Variants in TLK1 observed in about 807,000 individuals in gnomAD.
TLK1 encodes the protein tousled like kinase 1.
Under a neutral mutation model 105.3 loss-of-function variants are expected in TLK1, and 24 were observed. The ratio of observed to expected loss-of-function variants is 0.23; its 90% CI spans 0.17 to 0.32. The LOEUF is 0.32. Among genes scored for constraint, TLK1 ranks in the 10% least tolerant of loss-of-function variants. TLK1 has a pLI of 1.00. For missense variants in TLK1, 558 were observed against 910.5 expected, an observed-to-expected ratio of 0.61 and a Z score of 4.98; for synonymous variants, 321 against 310.4, an observed-to-expected ratio of 1.03 and a Z score of -0.36.
intron 1 of TLK1, among the ~76,000 whole-genome samples, chr2:171,168,474 G>C (rs1394973951): frequency 6.6e-6 from 1 of 152,202 alleles, no homozygotes; most frequent in Non-Finnish European, 1.5e-5. Context: ...TCCAGGTGCT[G>C]ATTAGAAGTG....
At chr2:171,135,022 A>G (rs1376018962) in intron 1 of TLK1, among the ~76,000 whole-genome samples, 1 of 152,156 alleles carries the variant, frequency 6.6e-6, no homozygotes, top group Non-Finnish European at 1.5e-5. Flanking sequence ...TTACATGTGG[A>G]ATCTAAAAAA....
In TLK1 at chr2:170,997,841, G is replaced by A; in HGVS notation, c.1905-18C>T. ...GTAAATACCTGTAAGTTTTGTGGGA[G>A]AGAAAAAAGGTTACTACTGACAATC... On this transcript the variant is annotated intron_variant, in intron 18 of 20. Transcript: ENST00000431350. 1.4e-6 allele frequency: 2 copies of A among 1,477,368 alleles called. No individual in the cohort carries two copies. The highest frequency in any genetic ancestry group is 1.9e-5 in the Admixed American group (1 of 52,904). 91.5% of individuals were successfully genotyped at this position (1,477,368 alleles called of 1,614,324 possible).
intron 8 of TLK1, among the ~76,000 whole-genome samples, chr2:171,051,728 AC>A (rs1437846153): frequency 1.3e-5 from 2 of 152,210 alleles, no homozygotes; most frequent in African/African-American, 4.8e-5. Flanking sequence ...TGTTTTATCA[AC>A]AATGATAAAA....
At chr2:171,089,394 T>C (rs908981049) in intron 2 of TLK1, among the ~76,000 whole-genome samples, 5 of 152,350 alleles carry the variant, frequency 3.3e-5, no homozygotes, top group Non-Finnish European at 7.3e-5. Flanking sequence ...TAAAGTTTTA[T>C]TGCTTTACCT....
At chr2:171,027,308 A>T (rs1367532044) in intron 12 of TLK1, among the ~76,000 whole-genome samples, 1 of 152,082 alleles carries the variant, frequency 6.6e-6, no homozygotes, top group African/African-American at 2.4e-5. Flanking sequence ...AGCACAAAAA[A>T]TTGGGTCAAA....
At chr2:171,082,890 AT>A (rs1187121209) in intron 2 of TLK1, 38 bp from the exon 3 acceptor site, 9 of 1,434,278 alleles carry the variant, frequency 6.3e-6, no homozygotes, top group Admixed American at 3.8e-5. Context: ...ATTAGGAGTA[AT>A]TTTTTTAAAG....
At chr2:171,213,024 T>C (rs1693648957) in intron 1 of TLK1, among the ~76,000 whole-genome samples, 1 of 152,102 alleles carries the variant, frequency 6.6e-6, no homozygotes, top group African/African-American at 2.4e-5. Context: ...AGAGTAGACA[T>C]TACTTTGTAA....
At chr2:171,031,334 T>C (rs1259093138) in intron 11 of TLK1, among the ~76,000 whole-genome samples, 1 of 152,220 alleles carries the variant, frequency 6.6e-6, no homozygotes, top group African/African-American at 2.4e-5. Context: ...GGAACAATCT[T>C]CTTTAAAGAA....
rs1368745606 is a variant in TLK1, at chr2:171,197,274, T to A, written c.-6+33871A>T. On this transcript the variant is annotated intron_variant, in intron 1 of 20. Transcript: ENST00000521943. Reference sequence around the variant, plus strand: ...CAGATAATCTCTGAATATGAAAAGATTTCTTATTTAAAAATGAGAGAGAAA... The same window carrying A: ...CAGATAATCTCTGAATATGAAAAGAATTCTTATTTAAAAATGAGAGAGAAA... Among the ~76,000 whole-genome samples the A allele has an allele frequency of 2.6e-5, 4 of 152,158 alleles. No individual in the cohort carries two copies. The South Asian group carries it at 6.2e-4, about 24-fold the overall frequency.
intron 1 of TLK1, among the ~76,000 whole-genome samples, chr2:171,137,576 C>A (rs1294606760): frequency 6.6e-6 from 1 of 152,070 alleles, no homozygotes; most frequent in South Asian, 2.1e-4. Flanking sequence ...CAGCCAGGCG[C>A]AGTGGCTCAC....
chr2:170,993,529 G>T lies in TLK1; in HGVS notation c.*251C>A. ...CTTAACATGGTATTCCTGTTTCTGT[G>T]TAACAGGCAGTCATCCTTCCTTCAC... On this transcript the variant is annotated 3_prime_UTR_variant, in exon 21 of 21. Transcript: ENST00000431350. 1 of 344,898 alleles carries T rather than the reference G, an allele frequency of 2.9e-6. No individual in the cohort carries two copies. 21.4% of individuals were successfully genotyped at this position (344,898 alleles called of 1,614,324 possible). A position where few individuals can be genotyped will look rare whatever the true frequency, so the allele number is the denominator to read the frequency against.
At chr2:171,171,781 G>T (rs1393263016) in intron 1 of TLK1, among the ~76,000 whole-genome samples, 1 of 152,140 alleles carries the variant, frequency 6.6e-6, no homozygotes, top group East Asian at 1.9e-4. Flanking sequence ...AGGCTAAAAT[G>T]AAAAATATGA....
intron 12 of TLK1, among the ~76,000 whole-genome samples, chr2:171,021,662 GT>G (rs1368691684): frequency 6.6e-6 from 1 of 152,050 alleles, no homozygotes; most frequent in Non-Finnish European, 1.5e-5. Flanking sequence ...CCAAGCAACT[GT>G]TTTCTCTTTT....
intron 5 of TLK1, among the ~76,000 whole-genome samples, chr2:171,057,572 A>G (rs1687562655): frequency 1.3e-5 from 2 of 150,136 alleles, no homozygotes; most frequent in African/African-American, 2.5e-5. Flanking sequence ...GCAGTGGTGG[A>G]AAAAAAAATC....
At chr2:171,055,056 G>GA (rs145296406) in intron 7 of TLK1, 27 bp downstream of exon 7, 30 of 1,350,108 alleles carry the variant, frequency 2.2e-5, no homozygotes, top group Non-Finnish European at 2.5e-5. Context: ...AGAAGCCATA[G>GA]AAAAAAACAT....
At chr2:171,015,934 C>T (rs1297967652) in intron 12 of TLK1, among the ~76,000 whole-genome samples, 5 of 151,876 alleles carry the variant, frequency 3.3e-5, no homozygotes, top group African/African-American at 1.2e-4. Context: ...CAAAATTAGC[C>T]AGGCGTGGTG....
At chr2:171,159,108 T>C (rs1240060267) in intron 1 of TLK1, among the ~76,000 whole-genome samples, 8 of 152,354 alleles carry the variant, frequency 5.3e-5, no homozygotes, top group African/African-American at 1.9e-4. Context: ...TATCGACAGA[T>C]ATTTTCAAAA....
intron 18 of TLK1, among the ~76,000 whole-genome samples, chr2:170,998,164 C>G (rs2676148): frequency 0.97 from 147,204 of 152,102 alleles, 71,385 homozygotes; most frequent in East Asian, 1. Context: ...GTCTTATTTG[C>G]AGTATCTAAT....
At chr2:171,194,132 G>A (rs1404597577) in intron 1 of TLK1, among the ~76,000 whole-genome samples, 1 of 152,148 alleles carries the variant, frequency 6.6e-6, no homozygotes, top group African/African-American at 2.4e-5. Flanking sequence ...GGGCATAGTT[G>A]GGGCTCGCCA....
Sources: allele counts gnomAD v4.1 joint callset (sites outside exome capture counted in the v4.1 genomes callset), GRCh38; gene constraint gnomAD v4.1.1; transcripts MANE v1.5; gene names NCBI Gene and HGNC (gene_info 2026-07-23, HGNC 2026-07-21).